Variants in TARDBP observed in about 807,000 individuals in gnomAD.
The protein encoded by TARDBP is TAR DNA-binding protein 43.
In TARDBP, 4 loss-of-function variants were observed where a neutral mutation model predicts 38.3. The ratio of observed to expected loss-of-function variants is 0.10; its 90% CI spans 0.05 to 0.24. The LOEUF (loss-of-function observed/expected upper bound fraction) is 0.24, where lower values mean the gene tolerates loss of function less well. TARDBP is among the 10% of genes least tolerant of loss of function. The pLI is 1.00. For synonymous variants in TARDBP, 184 were observed against 183.8 expected, an observed-to-expected ratio of 1.00 and a Z score of -0.01; for missense variants, 202 against 521.9, an observed-to-expected ratio of 0.39 and a Z score of 5.97.
At chr1:11,013,216 A>G (rs1408296765) in intron 1 of TARDBP, among the ~76,000 whole-genome samples, 1 of 152,220 alleles carries the variant, frequency 6.6e-6, no homozygotes, top group Non-Finnish European at 1.5e-5. Context: ...AACAGAGGGA[A>G]ACTTTTCTCC....
intron 1 of TARDBP, 78 bp from the exon 2 acceptor site, chr1:11,013,638 A>G: frequency 2.5e-6 from 3 of 1,209,720 alleles, no homozygotes; most frequent in Non-Finnish European, 2.4e-6. Flanking sequence ...GAACTCTGAC[A>G]TGGTTTGGGT....
chr1:11,029,466 T>C (rs781682055), downstream of TARDBP, among the ~76,000 whole-genome samples: 13 of 151,674 alleles, frequency 8.6e-5, no homozygotes, highest in Non-Finnish European at 1.5e-4. Context: ...AAAAAAAAAG[T>C]ACTATTAAAA....
At position 11,018,833 on chromosome 1, in the gene TARDBP, T is replaced by C; in HGVS notation, c.503T>C (p.Ile168Thr). 1.2e-6 allele frequency: 2 copies of C among 1,614,216 alleles called. No homozygotes were observed. The highest frequency in any genetic ancestry group is 1.7e-6 in the Non-Finnish European group (2 of 1,180,030). ...QVKVMSQRHM[I>T]DGRWCDCKLP... The stretch of plus-strand genomic sequence containing the variant: ...AAAGTAATGTCACAGCGACATATGA[T>C]AGATGGACGATGGTGTGACTGCAAA... Residue 168 changes from isoleucine (I) to threonine (T), a missense_variant, in exon 4 of 6, where the codon ATA becomes ACA. By Grantham distance (89) the Ile-to-Thr change is moderately conservative (BLOSUM62 -1). Coordinates refer to ENST00000240185, the MANE Select transcript of TARDBP (RefSeq NM_007375.4).
downstream of TARDBP, chr1:11,026,811 C>T (rs906262594): frequency 3.8e-6 from 5 of 1,320,882 alleles, no homozygotes; most frequent in Non-Finnish European, 5.1e-6. Context: ...ATGAATGCTT[C>T]TCGAGCCACG....
In TARDBP at chr1:11,023,932, C is replaced by T. The variant is rs1445548823; in HGVS notation, c.*1278C>T. 6.6e-6 allele frequency: 1 copy of T among 152,632 alleles called. No homozygotes were observed. The highest frequency in any genetic ancestry group is 2.4e-5 in the African/African-American group (1 of 41,448). The allele number at this position is 152,632 out of a possible 1,614,324, so 9.5% of individuals were successfully genotyped here. ...CAAAGAAGGGTGGAAGTTCTAATGT[C>T]TGTTAGCTACCCATAAGAATGCTGT... On this transcript the variant is annotated 3_prime_UTR_variant, in exon 6 of 6. Transcript: ENST00000240185.
intron 2 of TARDBP, 152 bp downstream of exon 2, chr1:11,014,117 G>A (rs1570712416): frequency 2.4e-6 from 2 of 818,710 alleles, no homozygotes; most frequent in East Asian, 2.4e-5. Context: ...AAGACCACGA[G>A]TCTAAATTTA....
downstream of TARDBP, among the ~76,000 whole-genome samples, chr1:11,028,051 G>A (rs1557665062): frequency 6.6e-6 from 1 of 152,016 alleles, no homozygotes; most frequent in Admixed American, 6.6e-5. Flanking sequence ...GTGAGACCCT[G>A]TCTCTACTAC....
intron 2 of TARDBP, among the ~76,000 whole-genome samples, chr1:11,014,386 C>T (rs1286671641): frequency 1.3e-5 from 2 of 152,178 alleles, no homozygotes; most frequent in African/African-American, 2.4e-5. Context: ...GTAGCCAAAT[C>T]TTGAATTAGT....
downstream of TARDBP, chr1:11,030,112 A>G (rs1359239199): frequency 2.5e-6 from 3 of 1,197,464 alleles, no homozygotes; most frequent in African/African-American, 4.6e-5. Context: ...AGCTCTCCTC[A>G]CTGTCTCCTA....
rs765175133 is a variant in TARDBP, at chr1:11,022,129, G to C, written c.720G>C (p.Ala240=). 2 of 1,613,884 alleles carry C rather than the reference G, an allele frequency of 1.2e-6. No homozygotes were observed. The highest frequency in any genetic ancestry group is 1.1e-5 in the South Asian group (1 of 91,078). ...ACATCCCTTATTTCTTATAGATTGC[G>C]CAGTCTCTTTGTGGAGAGGACTTGA... ...AFVTFADDQI[A]QSLCGEDLII... Residue 240 remains alanine, a synonymous_variant, in exon 6 of 6, where the codon GCG becomes GCC. Coordinates refer to ENST00000240185, the MANE Select transcript of TARDBP (RefSeq NM_007375.4). This position sits in a 1 kb window ranked among gnomAD's most constrained non-coding sequence, Gnocchi z 4.5.
chr1:11,027,261 A>C, downstream of TARDBP: 2 of 1,614,146 alleles, frequency 1.2e-6, no homozygotes, highest in Non-Finnish European at 1.7e-6. Context: ...ATCTGTCCTC[A>C]TAAAGGATTC....
chr1:11,015,033 G>A (rs1241753127), intron 2 of TARDBP, among the ~76,000 whole-genome samples: 4 of 151,942 alleles, frequency 2.6e-5, no homozygotes, highest in Non-Finnish European at 5.9e-5. Context: ...CTTGAACCTG[G>A]GAGGCGGAGA....
At chr1:11,028,716 T>A (rs12743634), downstream of TARDBP, among the ~76,000 whole-genome samples, 1 of 128,862 alleles carries the variant, frequency 7.8e-6, no homozygotes, top group Admixed American at 7.6e-5. Flanking sequence ...CTTTTTTTTT[T>A]TTTTTTTTTT....
intron 4 of TARDBP, chr1:11,019,316 C>T (rs1643589138): frequency 3.3e-6 from 1 of 307,590 alleles, no homozygotes; most frequent in Non-Finnish European, 6.2e-6. Flanking sequence ...CAAACACAGT[C>T]ATGTATCACA....
chr1:11,014,517 A>G (rs1234404697), intron 2 of TARDBP, among the ~76,000 whole-genome samples: 2 of 152,182 alleles, frequency 1.3e-5, no homozygotes, highest in Admixed American at 6.5e-5. Flanking sequence ...GAAATACCTA[A>G]TTTCAGCATT....
At chr1:11,028,745 G>A (rs374497615), downstream of TARDBP, among the ~76,000 whole-genome samples, 4 of 139,034 alleles carry the variant, frequency 2.9e-5, no homozygotes, top group South Asian at 2.3e-4. Context: ...ACAGAGTCTC[G>A]CTCTGTCACC....
intron 5 of TARDBP, 150 bp from the exon 6 acceptor site, chr1:11,021,974 G>A: frequency 1.2e-6 from 1 of 864,704 alleles, no homozygotes; most frequent in South Asian, 1.6e-5. Flanking sequence ...ACTAAAAGCT[G>A]TATTGGGGGT....
At chr1:11,020,349 T>G in intron 4 of TARDBP, 80 bp from the exon 5 acceptor site, 1 of 1,558,866 alleles carries the variant, frequency 6.4e-7, no homozygotes, top group Non-Finnish European at 8.8e-7. Context: ...CGAATGATTT[T>G]GTTATATCCC....
downstream of TARDBP, chr1:11,025,871 T>A (rs1643723826): frequency 6.5e-6 from 1 of 154,702 alleles, no homozygotes; most frequent in Admixed American, 6.6e-5. Flanking sequence ...TAAGAATGAT[T>A]TTGTTGTTGT....
Sources: allele counts gnomAD v4.1 joint callset (sites outside exome capture counted in the v4.1 genomes callset), GRCh38; gene constraint gnomAD v4.1.1; non-coding constraint Gnocchi (gnomAD v3.1); transcripts MANE v1.5; gene names NCBI Gene and HGNC (gene_info 2026-07-23, HGNC 2026-07-21).